Variants in KIF6 observed in about 807,000 individuals in gnomAD.
The protein encoded by KIF6 is kinesin-like protein KIF6.
In KIF6, 106 loss-of-function variants were observed where a neutral mutation model predicts 112.7. The ratio of observed to expected loss-of-function variants is 0.94; its 90% CI spans 0.80 to 1.11. KIF6 has a LOEUF of 1.11. KIF6 is among the 50% of genes least tolerant of loss of function. The pLI is 0.00. For missense variants in KIF6, 929 were observed against 964.0 expected, an observed-to-expected ratio of 0.96 and a Z score of 0.48; for synonymous variants, 339 against 339.9, an observed-to-expected ratio of 1.00 and a Z score of 0.03.
intron 13 of KIF6, among the ~76,000 whole-genome samples, chr6:39,454,189 G>C (rs758744535): frequency 2.0e-5 from 3 of 151,984 alleles, no homozygotes; most frequent in Non-Finnish European, 4.4e-5. Flanking sequence ...TTAAGCTTCA[G>C]ACACTTTTTG....
At chr6:39,581,253 C>T (rs1036485338) in intron 9 of KIF6, among the ~76,000 whole-genome samples, 5 of 150,208 alleles carry the variant, frequency 3.3e-5, no homozygotes, top group South Asian at 2.1e-4. Context: ...CTGCAACCTC[C>T]GCATTCCAGG....
intron 15 of KIF6, among the ~76,000 whole-genome samples, chr6:39,386,953 C>T (rs1767481098): frequency 6.6e-6 from 1 of 152,164 alleles, no homozygotes; most frequent in Admixed American, 6.5e-5. Flanking sequence ...TTCTATACCT[C>T]CAAGGCTATA....
chr6:39,477,351 CTA>C (rs1774490126), intron 13 of KIF6, among the ~76,000 whole-genome samples: 1 of 152,144 alleles, frequency 6.6e-6, no homozygotes, highest in African/African-American at 2.4e-5. Context: ...TGTAGTGAGC[CTA>C]TGTGTGGAAA....
Position 39,346,049 on chromosome 6 carries a change from G to GCTCTCTCTCTCTCT in KIF6, c.2232-274_2232-261dup, listed in dbSNP as rs1203700665. Reference sequence around the variant, plus strand: ...TAAGAGGAGGATGAGAAACTACAGTGCTCTCTCTCTCTCTCTCTCTCTCTC... The same window carrying GCTCTCTCTCTCTCT: ...TAAGAGGAGGATGAGAAACTACAGTGCTCTCTCTCTCTCTCTCTCTCTCTCTCTCTCTCTCTCTC... On this transcript the variant is annotated intron_variant, in intron 20 of 22. Coordinates refer to ENST00000287152, the MANE Select transcript of KIF6 (RefSeq NM_145027.6). Among the ~76,000 whole-genome samples the GCTCTCTCTCTCTCT allele has an allele frequency of 7.3e-3, 212 of 29,000 alleles. 51 individuals carry two copies. The highest frequency in any genetic ancestry group is 9.2e-3 in the East Asian group (7 of 764). The allele number at this position is 29,000 out of a possible 152,430, so 19.0% of individuals were successfully genotyped here. A position where few individuals can be genotyped will look rare whatever the true frequency, so the allele number is the denominator to read the frequency against.
rs116670531 is a variant in KIF6, at chr6:39,360,630, C to T, written c.1947-100G>A. On this transcript the variant is annotated intron_variant, in intron 17 of 22. Transcript: ENST00000287152. ...TGGGGCCCGTGCCTCAGAATCCCGT[C>T]AGAGCTGCCCTGGTGCTCAGGGACT... 4.5e-4 allele frequency: 618 copies of T among 1,377,574 alleles called. 2 individuals carry two copies. The African/African-American group carries it at 7.0e-3, about 16-fold the overall frequency. The allele number at this position is 1,377,574 out of a possible 1,614,324, so 85.3% of individuals were successfully genotyped here.
chr6:39,401,669 T>C (rs1323541309), intron 15 of KIF6, among the ~76,000 whole-genome samples: 1 of 151,336 alleles, frequency 6.6e-6, no homozygotes, highest in East Asian at 1.9e-4. Context: ...CACATATATC[T>C]CTTGAGTAGG....
At chr6:39,487,470 C>G (rs112798769) in intron 13 of KIF6, among the ~76,000 whole-genome samples, 1 of 152,198 alleles carries the variant, frequency 6.6e-6, no homozygotes, top group Non-Finnish European at 1.5e-5. Flanking sequence ...TTTAGCTTTC[C>G]GGCTTGCTGT....
At chr6:39,509,613 G>A (rs1362755664) in intron 13 of KIF6, among the ~76,000 whole-genome samples, 3 of 152,142 alleles carry the variant, frequency 2.0e-5, no homozygotes, top group Non-Finnish European at 2.9e-5. Context: ...ATTCGATCAA[G>A]TGGAAGAAAG....
At position 39,586,311 on chromosome 6, in the gene KIF6, A is replaced by G. The variant is rs764782635; in HGVS notation, c.940T>C (p.Cys314Arg). 1.4e-5 allele frequency: 23 copies of G among 1,614,012 alleles called. No individual in the cohort carries two copies. In the East Asian group the frequency reaches 4.5e-4, roughly 31 times the overall value. Reference sequence around the variant, plus strand: ...AGTGTTGCAATCATAGTTGTCATGCAGTTCCCTCCCAAACTGTCTCTTAGG... The same window carrying G: ...AGTGTTGCAATCATAGTTGTCATGCGGTTCCCTCCCAAACTGTCTCTTAGG... Reference protein sequence around the residue: ...SVLRDSLGGNCMTTMIATLSL... With the variant: ...SVLRDSLGGNRMTTMIATLSL... Residue 314 changes from cysteine to arginine, a missense_variant, in exon 8 of 23, where the codon TGC becomes CGC. Cys to Arg is a radical substitution (Grantham distance 180, BLOSUM62 -3). Around this residue, in one of 2 missense-constraint regions of KIF6, gnomAD observed 688 missense variants for 662.7 expected, o/e 1.04. Transcript: ENST00000287152.
At chr6:39,715,606 C>T (rs539804723) in intron 2 of KIF6, among the ~76,000 whole-genome samples, 4 of 150,318 alleles carry the variant, frequency 2.7e-5, no homozygotes, top group African/African-American at 4.9e-5. Flanking sequence ...TGGGTTCAAG[C>T]GATTCTCCTG....
At chr6:39,514,967 T>C (rs1776991323) in intron 13 of KIF6, among the ~76,000 whole-genome samples, 1 of 152,218 alleles carries the variant, frequency 6.6e-6, no homozygotes, top group Non-Finnish European at 1.5e-5. Context: ...TGTTTTTACA[T>C]TAAATTGTGA....
chr6:39,607,773 G>C (rs1582258850), intron 6 of KIF6, among the ~76,000 whole-genome samples: 1 of 152,186 alleles, frequency 6.6e-6, no homozygotes, highest in Non-Finnish European at 1.5e-5. Context: ...AATATAGTTT[G>C]CCTGTTGTAT....
intron 3 of KIF6, among the ~76,000 whole-genome samples, chr6:39,665,504 T>C (rs1786413266): frequency 6.6e-6 from 1 of 152,046 alleles, no homozygotes; most frequent in African/African-American, 2.4e-5. Context: ...ATACATAGCA[T>C]AATTAATTGG....
chr6:39,690,432 T>A (rs961328438), intron 3 of KIF6: 1 of 151,854 alleles, frequency 6.6e-6, no homozygotes, highest in Non-Finnish European at 1.5e-5. Flanking sequence ...AAGAGTAGAA[T>A]TGGTACAATA....
At position 39,343,446 on chromosome 6, in the gene KIF6, A is replaced by C; in HGVS notation, c.2428+263T>G. On this transcript the variant is annotated intron_variant, in intron 22 of 22. Transcript: ENST00000287152. This position sits in a 1 kb window ranked among gnomAD's most constrained non-coding sequence, Gnocchi z 4.1. ...CAAAGGAGCTGAAGATCTGGAAGAG[A>C]CAGAGAGCAAGCTCTGCCAAGAGGG... is the stretch of plus-strand genomic sequence containing the variant. 1 of 1,435,608 alleles carries C rather than the reference A, an allele frequency of 7.0e-7. No homozygotes were observed. Among genetic ancestry groups the C allele is most frequent in the Non-Finnish European group, 9.2e-7 (1 of 1,083,086 alleles). The allele number at this position is 1,435,608 out of a possible 1,614,324, so 88.9% of individuals were successfully genotyped here.
chr6:39,483,149 T>C (rs1774905049), intron 13 of KIF6, among the ~76,000 whole-genome samples: 1 of 152,244 alleles, frequency 6.6e-6, no homozygotes, highest in Non-Finnish European at 1.5e-5. Context: ...TTCAGCCGAT[T>C]TGAGAGATTT....
At chr6:39,607,126 G>T (rs1474830451) in intron 6 of KIF6, among the ~76,000 whole-genome samples, 1 of 152,124 alleles carries the variant, frequency 6.6e-6, no homozygotes, top group Non-Finnish European at 1.5e-5. Flanking sequence ...CATATGCTAT[G>T]TTTAATTCGA....
At chr6:39,636,733 A>G (rs887097050) in intron 4 of KIF6, among the ~76,000 whole-genome samples, 13 of 152,038 alleles carry the variant, frequency 8.6e-5, no homozygotes, top group African/African-American at 3.1e-4. Flanking sequence ...TCCTGTTTAA[A>G]CCAACATATT....
At chr6:39,367,427 G>A (rs75067701) in intron 16 of KIF6, among the ~76,000 whole-genome samples, 2,843 of 152,256 alleles carry the variant, frequency 0.019, 97 homozygotes, top group African/African-American at 0.064. Flanking sequence ...TCACAGTGCC[G>A]AGTGGCCTGC....
Sources: allele counts gnomAD v4.1 joint callset (sites outside exome capture counted in the v4.1 genomes callset), GRCh38; gene constraint gnomAD v4.1.1; regional missense constraint gnomAD v4.1.1; non-coding constraint Gnocchi (gnomAD v3.1); transcripts MANE v1.5; gene names NCBI Gene and HGNC (gene_info 2026-07-23, HGNC 2026-07-21).